The following TSPAN3 variants were observed in gnomAD, a reference collection of about 807,000 sequenced individuals.
The protein encoded by TSPAN3 is tetraspanin 3.
A neutral mutation model predicts 31.1 loss-of-function variants in TSPAN3; 9 were observed. The observed-to-expected ratio is 0.29, with a 90% CI of 0.17 to 0.50. The LOEUF is 0.50. Ranked by LOEUF, TSPAN3 falls within the 20% of genes least tolerant of loss-of-function variation. The pLI is 0.98. For synonymous variants in TSPAN3, 129 were observed against 114.3 expected, an observed-to-expected ratio of 1.13 and a Z score of -0.82; for missense variants, 252 against 313.5, an observed-to-expected ratio of 0.80 and a Z score of 1.48.
chr15:77,061,074 T>C (rs1014091534), intron 1 of TSPAN3, among the ~76,000 whole-genome samples: 12 of 152,246 alleles, frequency 7.9e-5, no homozygotes, highest in African/African-American at 2.9e-4. Flanking sequence ...AAAAGTATGA[T>C]ACTTCATTTT....
Position 77,044,330 on chromosome 15 carries a change from C to G in TSPAN3, c.*2505G>C, listed in dbSNP as rs2076676703. 6.6e-6 allele frequency: 1 copy of G among 152,254 alleles called. No homozygotes were observed. The highest frequency in any genetic ancestry group is 6.5e-5 in the Admixed American group (1 of 15,294). 9.4% of individuals were successfully genotyped at this position (152,254 alleles called of 1,614,324 possible). ...TCTGAAGAACAAGCACTGGGTAATG[C>G]CAACACCTAGCCTCAGCTACACGGG... On this transcript the variant is annotated 3_prime_UTR_variant, in exon 7 of 7. Transcript: ENST00000267970.
chr15:77,043,464 G>C lies in TSPAN3; in HGVS notation c.*3371C>G, dbSNP rs547207324. 6.6e-6 allele frequency: 1 copy of C among 152,274 alleles called. No homozygotes were observed. The highest frequency in any genetic ancestry group is 1.9e-4 in the East Asian group (1 of 5,186). 9.4% of individuals were successfully genotyped at this position (152,274 alleles called of 1,614,324 possible). A position where few individuals can be genotyped will look rare whatever the true frequency, so the allele number is the denominator to read the frequency against. On this transcript the variant is annotated 3_prime_UTR_variant, in exon 7 of 7. Coordinates refer to ENST00000267970, the MANE Select transcript of TSPAN3 (RefSeq NM_005724.6). ...GGGGCAGATGGGCATTGTGTGCCTC[G>C]AGATGCGATGCCCTGAGAGGCCGCG...
chr15:77,048,507 CAAAT>C (rs1170410720), intron 6 of TSPAN3, among the ~76,000 whole-genome samples: 3 of 151,950 alleles, frequency 2.0e-5, no homozygotes, highest in Non-Finnish European at 2.9e-5. Flanking sequence ...GATTTTAAAA[CAAAT>C]AAACTTGATA....
chr15:77,050,180 C>A (rs561507852), intron 6 of TSPAN3, among the ~76,000 whole-genome samples: 1 of 152,320 alleles, frequency 6.6e-6, no homozygotes, highest in Admixed American at 6.5e-5. Context: ...GGGCACCAAT[C>A]TATCAGATTT....
At chr15:77,060,379 T>C (rs950721250) in intron 1 of TSPAN3, among the ~76,000 whole-genome samples, 5 of 152,180 alleles carry the variant, frequency 3.3e-5, no homozygotes, top group African/African-American at 1.2e-4. Flanking sequence ...ACTGGTTACT[T>C]TGAAAATATA....
Position 77,043,363 on chromosome 15 carries a change from A to G in TSPAN3, c.*3472T>C, listed in dbSNP as rs963669084. 2 of 152,188 alleles carry G rather than the reference A, an allele frequency of 1.3e-5. No homozygotes were observed. The highest frequency in any genetic ancestry group is 4.8e-5 in the African/African-American group (2 of 41,434). The allele number at this position is 152,188 out of a possible 1,614,324, so 9.4% of individuals were successfully genotyped here. On this transcript the variant is annotated 3_prime_UTR_variant, in exon 7 of 7. Transcript: ENST00000267970. ...TTAACTACCTTCTACACAGTTAACA[A>G]TTACTTATATTAAAACCTTCCTGTT...
Position 77,046,891 on chromosome 15 carries a change from T to G in TSPAN3, c.706A>C (p.Arg236=). 4 of 1,591,192 alleles carry G rather than the reference T, an allele frequency of 2.5e-6. No individual in the cohort carries two copies. The highest frequency in any genetic ancestry group is 3.4e-6 in the Non-Finnish European group (4 of 1,166,036). The stretch of plus-strand genomic sequence containing the variant: ...TCGTAAGCAGGATCTCTACTCCTTC[T>G]GCACAACACGATGCAAGCACACAGC... ...GMLCACIVLC[R]RSRDPAYELL... is the part of the protein sequence containing the mutation. Residue 236 remains arginine (R), a synonymous_variant, in exon 7 of 7, where the codon AGA becomes CGA. Coordinates refer to ENST00000267970, the MANE Select transcript of TSPAN3 (RefSeq NM_005724.6).
In TSPAN3 at chr15:77,046,148, T is replaced by C. The variant is rs557138288; in HGVS notation, c.*687A>G. On this transcript the variant is annotated 3_prime_UTR_variant, in exon 7 of 7. Coordinates refer to ENST00000267970, the MANE Select transcript of TSPAN3 (RefSeq NM_005724.6). ...TTTCCAACAAGCTTAAGACTTACCA[T>C]GAATGGGCTCATTCATACAAAAACA... The C allele has an allele frequency of 5.7e-6, 2 of 353,132 alleles. No homozygotes were observed. The highest frequency in any genetic ancestry group is 8.3e-5 in the East Asian group (2 of 24,200). 21.9% of individuals were successfully genotyped at this position (353,132 alleles called of 1,614,324 possible). A position where few individuals can be genotyped will look rare whatever the true frequency, so the allele number is the denominator to read the frequency against.
chr15:77,052,292 C>G, intron 6 of TSPAN3, 93 bp downstream of exon 6: 1 of 1,114,512 alleles, frequency 9.0e-7, no homozygotes, highest in Non-Finnish European at 1.4e-6. Context: ...CCTACATACA[C>G]AAAGATTCAC....
intron 3 of TSPAN3, 175 bp downstream of exon 3, chr15:77,055,614 G>C: frequency 1.7e-6 from 1 of 574,126 alleles, no homozygotes; most frequent in Non-Finnish European, 3.1e-6. Flanking sequence ...TATTAAATGA[G>C]GTAAGGAGTC....
At chr15:77,051,675 C>A (rs2076731923) in intron 6 of TSPAN3, among the ~76,000 whole-genome samples, 1 of 150,874 alleles carries the variant, frequency 6.6e-6, no homozygotes, top group Non-Finnish European at 1.5e-5. Flanking sequence ...ATAATGAGAC[C>A]CCATTTCTGG....
Position 77,046,838 on chromosome 15 carries a change from T to C in TSPAN3, c.759A>G (p.Ala253=), listed in dbSNP as rs769131673. 3 of 1,587,926 alleles carry C rather than the reference T, an allele frequency of 1.9e-6. No individual in the cohort carries two copies. Among genetic ancestry groups the C allele is most frequent in the Admixed American group, 1.7e-5 (1 of 57,878 alleles). The change falls in exon 7 of 7, where the codon GCA becomes GCG. Residue 253 remains alanine (A), a synonymous_variant. Coordinates refer to ENST00000267970, the MANE Select transcript of TSPAN3 (RefSeq NM_005724.6). ...AAGCTCAGGCTTGAGTTGTCAACTA[T>C]GCATAGGTTCCGCCAGTGATGAGGA... ...YELLITGGTY[A]
chr15:77,053,451 C>CAAAACAAAAA lies in TSPAN3; in HGVS notation c.433-523_433-522insTTTTTGTTTT, dbSNP rs2076745037. Among the ~76,000 whole-genome samples the CAAAACAAAAA allele has an allele frequency of 6.0e-5, 3 of 50,380 alleles. No homozygotes were observed. In the East Asian group the frequency reaches 1.9e-3, roughly 32 times the overall value. The allele number at this position is 50,380 out of a possible 152,430, so 33.1% of individuals were successfully genotyped here. ...CAACAAGAGTGAAATTTCGCCATCT[C>CAAAACAAAAA]AAAAAAAAAAAAAAAAAAAAAAAAA... On this transcript the variant is annotated intron_variant, in intron 4 of 6. Coordinates refer to ENST00000267970, the MANE Select transcript of TSPAN3 (RefSeq NM_005724.6).
Position 77,065,270 on chromosome 15 carries a change from C to T in TSPAN3, c.63+5622G>A, listed in dbSNP as rs531227353. Among the ~76,000 whole-genome samples the T allele has an allele frequency of 8.5e-5, 13 of 152,166 alleles. No individual in the cohort carries two copies. In the South Asian group the frequency reaches 2.3e-3, roughly 27 times the overall value. On this transcript the variant is annotated intron_variant, in intron 1 of 6. Transcript: ENST00000267970. ...TTTATTTTTGTGTGTCTTGCTTCAC[C>T]GGAAAGTAAGTTCTGTAAGAATAGG...
intron 6 of TSPAN3, among the ~76,000 whole-genome samples, chr15:77,047,695 T>C (rs1210279367): frequency 6.6e-6 from 1 of 152,200 alleles, no homozygotes. Context: ...TTATTTTGGA[T>C]AAGCAAAAGG....
chr15:77,056,285 T>C, intron 1 of TSPAN3, 30 bp from the exon 2 acceptor site: 1 of 1,523,420 alleles, frequency 6.6e-7, no homozygotes, highest in Non-Finnish European at 8.8e-7. Flanking sequence ...TACTGGTCTC[T>C]AAGCACTGCT....
At chr15:77,068,223 T>G (rs368925491) in intron 1 of TSPAN3, 4 of 152,208 alleles carry the variant, frequency 2.6e-5, no homozygotes, top group African/African-American at 4.8e-5. Context: ...CGTATCTGCT[T>G]AACTTCCTTA....
intron 1 of TSPAN3, among the ~76,000 whole-genome samples, chr15:77,067,090 A>G (rs1227382451): frequency 1.3e-5 from 2 of 152,068 alleles, no homozygotes; most frequent in African/African-American, 2.4e-5. Context: ...ATGAGGGTAG[A>G]GCCCTCATGA....
chr15:77,051,202 T>C (rs2076728486), intron 6 of TSPAN3, among the ~76,000 whole-genome samples: 1 of 152,064 alleles, frequency 6.6e-6, no homozygotes, highest in Non-Finnish European at 1.5e-5. Flanking sequence ...CCTGGCTCTT[T>C]TAGCTCTTGA....
Sources: allele counts gnomAD v4.1 joint callset (sites outside exome capture counted in the v4.1 genomes callset), GRCh38; gene constraint gnomAD v4.1.1; transcripts MANE v1.5; gene names NCBI Gene and HGNC (gene_info 2026-07-23, HGNC 2026-07-21).